Variants in GPALPP1 observed in about 807,000 individuals in gnomAD.
The protein encoded by GPALPP1 is GPALPP motifs-containing protein 1.
In GPALPP1, 30 loss-of-function variants were observed where a neutral mutation model predicts 38.9. That is an observed-to-expected ratio of 0.77 (90% CI 0.58 to 1.05). The LOEUF (loss-of-function observed/expected upper bound fraction) is 1.05, where lower values mean the gene tolerates loss of function less well. Among genes scored for constraint, GPALPP1 ranks in the 50% least tolerant of loss-of-function variants. The pLI, the probability that GPALPP1 is intolerant of heterozygous loss-of-function variation, is 0.00. For synonymous variants in GPALPP1, 120 were observed against 139.2 expected (o/e 0.86, Z 0.97); for missense variants, 384 against 408.8 (o/e 0.94, Z 0.52).
intron 1 of GPALPP1, among the ~76,000 whole-genome samples, chr13:45,001,233 G>A (rs1159075994): frequency 6.6e-6 from 1 of 152,140 alleles, no homozygotes; most frequent in Non-Finnish European, 1.5e-5. Context: ...CTCCTGCCAT[G>A]TGAAGAAGGA....
At chr13:45,014,469 C>T (rs1304496177) in intron 4 of GPALPP1, among the ~76,000 whole-genome samples, 2 of 151,670 alleles carry the variant, frequency 1.3e-5, no homozygotes, top group South Asian at 2.1e-4. Context: ...TTTTATTACA[C>T]TCTAAGCCTA....
At chr13:44,997,080 A>T (rs9590864) in intron 1 of GPALPP1, among the ~76,000 whole-genome samples, 7,990 of 150,360 alleles carry the variant, frequency 0.053, 287 homozygotes, top group South Asian at 0.075. Flanking sequence ...GTGGAATCAT[A>T]CAGTATTTGT....
intron 1 of GPALPP1, among the ~76,000 whole-genome samples, chr13:44,992,352 T>C (rs765179498): frequency 7.9e-5 from 12 of 152,320 alleles, no homozygotes; most frequent in South Asian, 2.1e-4. Flanking sequence ...TATAGAGTTC[T>C]TTTTATAGTC....
rs1424684982 is a variant in GPALPP1 at position 45,019,113 on chromosome 13, ATG to A, written c.706-1215_706-1214del. On this transcript the variant is annotated intron_variant, in intron 6 of 7. Transcript: ENST00000379151. ...TGTATATATATTTATATATATTTAT[ATG>A]TATATATATTTCTATGTATATATTT... Among the ~76,000 whole-genome samples the A allele has an allele frequency of 6.3e-5, 9 of 142,450 alleles. No homozygotes were observed. The East Asian group carries it at 1.6e-3, about 26-fold the overall frequency. The allele number at this position is 142,450 out of a possible 152,430, so 93.5% of individuals were successfully genotyped here. A position where few individuals can be genotyped will look rare whatever the true frequency, so the allele number is the denominator to read the frequency against.
chr13:45,004,387 C>T lies in GPALPP1; in HGVS notation c.171C>T (p.Tyr57=), dbSNP rs1170440687. 4 of 1,607,180 alleles carry T rather than the reference C, an allele frequency of 2.5e-6. No homozygotes were observed. The highest frequency in any genetic ancestry group is 3.4e-6 in the Non-Finnish European group (4 of 1,174,036). The stretch of plus-strand genomic sequence containing the variant: ...GCGATGAAGACAGTAGTTCTTTGTA[C>T]GAAGAAGGAAATCAAGAATCTGAAG... The part of the protein sequence containing the change: ...SDSDEDSSSL[Y]EEGNQESEED... The change falls in exon 2 of 8, where the codon TAC becomes TAT. Residue 57 remains tyrosine, a synonymous_variant. Coordinates refer to ENST00000379151, the MANE Select transcript of GPALPP1 (RefSeq NM_018559.5).
At chr13:45,024,147 CTGTGTGTGTGTGTGTGTG>C (rs58048658) in intron 7 of GPALPP1, among the ~76,000 whole-genome samples, 460 of 23,372 alleles carry the variant, frequency 0.02, 23 homozygotes, top group East Asian at 0.14. Flanking sequence ...CCCTAAAACT[CTGTGTGTGTGTGTGTGTG>C]TGTGTGTGTG....
chr13:44,989,833 G>A (rs1171768102), intron 1 of GPALPP1, 91 bp downstream of exon 1: 1 of 1,004,584 alleles, frequency 1.0e-6, no homozygotes, highest in South Asian at 1.4e-5. Flanking sequence ...GGCCTAGGAG[G>A]GCGGAGGAGT....
At chr13:45,016,803 A>G (rs562609977) in intron 6 of GPALPP1, among the ~76,000 whole-genome samples, 1 of 152,154 alleles carries the variant, frequency 6.6e-6, no homozygotes, top group African/African-American at 2.4e-5. Flanking sequence ...GCACACAACT[A>G]ATTTTTTTTA....
At chr13:45,016,658 T>G (rs1266844030) in intron 6 of GPALPP1, among the ~76,000 whole-genome samples, 1 of 152,166 alleles carries the variant, frequency 6.6e-6, no homozygotes, top group Non-Finnish European at 1.5e-5. Context: ...GTTTGTTTTT[T>G]AAGAGACAAG....
chr13:45,013,584 A>G (rs557943826), intron 4 of GPALPP1, among the ~76,000 whole-genome samples: 48 of 152,314 alleles, frequency 3.2e-4, no homozygotes, highest in African/African-American at 1.1e-3. Flanking sequence ...AGAATTACCA[A>G]TATTTTTCCC....
At chr13:45,031,447 T>C (rs1170592568), downstream of GPALPP1, 1 of 152,236 alleles carries the variant, frequency 6.6e-6, no homozygotes, top group Non-Finnish European at 1.5e-5. Context: ...AATTGTTATC[T>C]TTGGATACTT....
chr13:45,019,026 AATATATACATAGAAATAT>A lies in GPALPP1; in HGVS notation c.706-1300_706-1283del, dbSNP rs1566081969. ...ACATATAAATATATATACACATATAAATATATACATAGAAATATATAAATATAAATATATACATATAAA... is the reference window on the plus strand; with the variant it reads ...ACATATAAATATATATACACATATAAATAAATATAAATATATACATATAAA... On this transcript the variant is annotated intron_variant, in intron 6 of 7. Coordinates refer to ENST00000379151, the MANE Select transcript of GPALPP1 (RefSeq NM_018559.5). Among the ~76,000 whole-genome samples the A allele has an allele frequency of 6.8e-4, 13 of 18,996 alleles. 2 individuals are homozygous for A. Among genetic ancestry groups the A allele is most frequent in the Non-Finnish European group, 2.4e-3 (12 of 5,018 alleles). The allele number at this position is 18,996 out of a possible 152,430, so 12.5% of individuals were successfully genotyped here. A position where few individuals can be genotyped will look rare whatever the true frequency, so the allele number is the denominator to read the frequency against.
chr13:45,027,733 A>G (rs2138020438), intron 7 of GPALPP1, 52 bp from the exon 8 acceptor site: 2 of 841,598 alleles, frequency 2.4e-6, no homozygotes, highest in East Asian at 2.4e-5. Flanking sequence ...TATTCTGTCA[A>G]TAATCTATAT....
intron 1 of GPALPP1, chr13:44,990,103 T>G (rs1017656679): frequency 3.6e-5 from 16 of 442,062 alleles, no homozygotes; most frequent in African/African-American, 3.3e-4. Flanking sequence ...AGTGTCTAGA[T>G]CATACTGCTA....
At chr13:45,010,210 C>A (rs1379962546) in intron 4 of GPALPP1, among the ~76,000 whole-genome samples, 1 of 152,196 alleles carries the variant, frequency 6.6e-6, no homozygotes, top group Non-Finnish European at 1.5e-5. Context: ...ACTCCTGAGC[C>A]TTTATGCCTG....
At chr13:45,032,272 AG>A (rs141715372), downstream of GPALPP1, among the ~76,000 whole-genome samples, 4,835 of 151,540 alleles carry the variant, frequency 0.032, 110 homozygotes, top group East Asian at 0.12. Flanking sequence ...CTAAAAAAAA[AG>A]AAAAAGAAAA....
intron 1 of GPALPP1, among the ~76,000 whole-genome samples, chr13:44,995,664 C>T (rs747813464): frequency 6.6e-6 from 1 of 152,198 alleles, no homozygotes; most frequent in Non-Finnish European, 1.5e-5. Flanking sequence ...CCTTCAATCC[C>T]AAGCAAACCA....
intron 1 of GPALPP1, among the ~76,000 whole-genome samples, chr13:44,995,249 TCTC>T (rs1873183428): frequency 6.7e-6 from 1 of 150,142 alleles, no homozygotes; most frequent in East Asian, 2.0e-4. Flanking sequence ...CTCATTTTTG[TCTC>T]CTCTTTGGGC....
At position 45,004,471 on chromosome 13, in the gene GPALPP1, A is replaced by G. The variant is rs368286246; in HGVS notation, c.221+34A>G. The stretch of plus-strand genomic sequence containing the variant: ...TTTAATTAAATTAAATGATAGACCA[A>G]ACTTCAGAGCTAGTATAAGTTGGCT... On this transcript the variant is annotated intron_variant, in intron 2 of 7. Coordinates refer to ENST00000379151, the MANE Select transcript of GPALPP1 (RefSeq NM_018559.5). The G allele has an allele frequency of 2.0e-6, 3 of 1,532,034 alleles. No individual in the cohort carries two copies. In the African/African-American group the frequency reaches 4.1e-5, roughly 21 times the overall value. The allele number at this position is 1,532,034 out of a possible 1,614,324, so 94.9% of individuals were successfully genotyped here.
Sources: gnomAD v4.1 joint callset for allele counts (sites outside exome capture counted in the v4.1 genomes callset) on GRCh38, gnomAD v4.1.1 for gene constraint, MANE v1.5 for transcripts, NCBI Gene and HGNC (gene_info 2026-07-23, HGNC 2026-07-21) for gene names.